The following RALGAPA2 variants were observed in gnomAD, a reference collection of about 807,000 sequenced individuals.
The protein encoded by RALGAPA2 is Ral GTPase activating protein catalytic subunit alpha 2, also known as ral GTPase-activating protein subunit alpha-2.
RALGAPA2 carries 139 observed loss-of-function variants against 230.4 expected under a neutral mutation model. The observed-to-expected ratio is 0.60, with a 90% CI of 0.53 to 0.69. RALGAPA2 has a LOEUF of 0.69. Among genes scored for constraint, RALGAPA2 ranks in the 30% least tolerant of loss-of-function variants. The pLI is 0.00. For synonymous variants in RALGAPA2, 847 were observed against 837.8 expected (o/e 1.01, Z -0.19); for missense variants, 2,163 against 2,276.0 (o/e 0.95, Z 1.01).
intron 1 of RALGAPA2, among the ~76,000 whole-genome samples, chr20:20,711,653 G>A (rs2147064320): frequency 6.6e-6 from 1 of 152,150 alleles, no homozygotes; most frequent in Non-Finnish European, 1.5e-5. Context: ...ACCAGAAGGT[G>A]GCAGACAGCA....
intron 16 of RALGAPA2, among the ~76,000 whole-genome samples, chr20:20,600,789 A>G (rs548644122): frequency 6.6e-6 from 1 of 152,346 alleles, no homozygotes; most frequent in East Asian, 1.9e-4. Flanking sequence ...CTTTTTAAAG[A>G]GTTCACTTTT....
chr20:20,649,473 G>A (rs911200654), intron 4 of RALGAPA2, among the ~76,000 whole-genome samples: 1 of 152,068 alleles, frequency 6.6e-6, no homozygotes, highest in Non-Finnish European at 1.5e-5. Context: ...TAGGCCTTTG[G>A]TTTTTACATT....
rs192925235 is a variant in RALGAPA2 at position 20,541,220 on chromosome 20, T to G, written c.3286-4436A>C. Among the ~76,000 whole-genome samples, 228 of 152,262 alleles carry G rather than the reference T, an allele frequency of 1.5e-3. 1 individual carries two copies. Among genetic ancestry groups the G allele is most frequent in the African/African-American group, 5.3e-3 (222 of 41,564 alleles). On this transcript the variant is annotated intron_variant, in intron 24 of 39. Transcript: ENST00000202677. ...CCCTGGTGATCCTGAGCATTTTTCA[T>G]ACATAGCAGTTCCCTCTTATTTAAA...
At chr20:20,474,357 A>C (rs1171635280) in intron 36 of RALGAPA2, among the ~76,000 whole-genome samples, 1 of 152,186 alleles carries the variant, frequency 6.6e-6, no homozygotes, top group Non-Finnish European at 1.5e-5. Context: ...CTTTATAGGA[A>C]GTTTTAAGGG....
At position 20,513,194 on chromosome 20, in the gene RALGAPA2, C is replaced by A. The variant is rs199625894; in HGVS notation, c.4175G>T (p.Ser1392Ile). 3.3e-6 allele frequency: 5 copies of A among 1,527,054 alleles called. No homozygotes were observed. Among genetic ancestry groups the A allele is most frequent in the Admixed American group, 2.2e-5 (1 of 45,024 alleles). 94.6% of individuals were successfully genotyped at this position (1,527,054 alleles called of 1,614,324 possible). The change falls in exon 32 of 40, where the codon AGT becomes ATT. Residue 1392 changes from serine (S) to isoleucine (I), a missense_variant. Transcript: ENST00000202677. Reference sequence around the variant, plus strand: ...GCTGTGCAGTATGGCAGGGCCCCCACTGAGGGGGTAGTGCCCCAGGTGGTT... The same window carrying A: ...GCTGTGCAGTATGGCAGGGCCCCCAATGAGGGGGTAGTGCCCCAGGTGGTT... Reference protein sequence around the residue: ...LVNHLGHYPLSGGPAILHSLV... With the variant: ...LVNHLGHYPLIGGPAILHSLV...
chr20:20,621,424 A>G (rs1170224927), intron 10 of RALGAPA2, among the ~76,000 whole-genome samples: 1 of 150,334 alleles, frequency 6.7e-6, no homozygotes, highest in African/African-American at 2.4e-5. Flanking sequence ...GTTCTACTAC[A>G]GAAGTCAGCA....
At chr20:20,435,520 G>A (rs1195697709) in intron 37 of RALGAPA2, among the ~76,000 whole-genome samples, 1 of 152,210 alleles carries the variant, frequency 6.6e-6, no homozygotes, top group Non-Finnish European at 1.5e-5. Context: ...TAAAGTGTAC[G>A]GAATCATATT....
intron 37 of RALGAPA2, among the ~76,000 whole-genome samples, chr20:20,467,708 C>A (rs2061450530): frequency 6.6e-6 from 1 of 152,158 alleles, no homozygotes; most frequent in Non-Finnish European, 1.5e-5. Context: ...GCTAACAGTG[C>A]CCACCTGCTA....
In RALGAPA2 at chr20:20,572,991, C is replaced by T. The variant is rs1222083972; in HGVS notation, c.2785G>A (p.Ala929Thr). ...SLTGWHPDSA[A>T]VLWRRVLGIL... ...CCCAAGACCCTTCGCCATAACACAG[C>T]AGCAGAGTCTGGGTGCCAACCAGTG... The change falls in exon 21 of 40, where the codon GCT becomes ACT. Residue 929 changes from alanine (A) to threonine (T), a missense_variant. Coordinates refer to ENST00000202677, the MANE Select transcript of RALGAPA2 (RefSeq NM_020343.4). The T allele has an allele frequency of 1.2e-6, 2 of 1,609,908 alleles. No individual in the cohort carries two copies. Among genetic ancestry groups the T allele is most frequent in the African/African-American group, 2.7e-5 (2 of 74,854 alleles).
At chr20:20,575,776 C>G (rs2064800119) in intron 20 of RALGAPA2, among the ~76,000 whole-genome samples, 1 of 152,148 alleles carries the variant, frequency 6.6e-6, no homozygotes, top group African/African-American at 2.4e-5. Context: ...ATTCTCAGGT[C>G]TGCCAATTAA....
chr20:20,559,095 T>C (rs2145823092), intron 23 of RALGAPA2, among the ~76,000 whole-genome samples: 1 of 152,366 alleles, frequency 6.6e-6, no homozygotes, highest in African/African-American at 2.4e-5. Context: ...TTATTATCCA[T>C]TCTTTTCATT....
intron 37 of RALGAPA2, among the ~76,000 whole-genome samples, chr20:20,425,350 G>A (rs2060359764): frequency 6.6e-6 from 1 of 152,188 alleles, no homozygotes; most frequent in Admixed American, 6.5e-5. Flanking sequence ...ATTTCTGAAA[G>A]CAATTTTGGG....
At chr20:20,603,944 A>G (rs79156780) in intron 15 of RALGAPA2, among the ~76,000 whole-genome samples, 3,076 of 152,304 alleles carry the variant, frequency 0.02, 58 homozygotes, top group Non-Finnish European at 0.031. Context: ...AATTCCTCCC[A>G]AGTCTCAGGA....
At chr20:20,633,279 C>A (rs1481892801) in intron 9 of RALGAPA2, among the ~76,000 whole-genome samples, 1 of 151,878 alleles carries the variant, frequency 6.6e-6, no homozygotes, top group Non-Finnish European at 1.5e-5. Flanking sequence ...GGATTACAGA[C>A]GCCTACCACC....
At chr20:20,580,375 T>C (rs2064949182) in intron 20 of RALGAPA2, among the ~76,000 whole-genome samples, 1 of 152,130 alleles carries the variant, frequency 6.6e-6, no homozygotes, top group African/African-American at 2.4e-5. Context: ...CAATTCAAAA[T>C]TCAGACCCTC....
At chr20:20,454,082 A>C (rs2061051747) in intron 37 of RALGAPA2, among the ~76,000 whole-genome samples, 1 of 152,210 alleles carries the variant, frequency 6.6e-6, no homozygotes, top group South Asian at 2.1e-4. Flanking sequence ...CTTGTTTCTC[A>C]GAAGTTTTCC....
intron 3 of RALGAPA2, among the ~76,000 whole-genome samples, chr20:20,665,328 C>T: frequency 6.6e-6 from 1 of 152,176 alleles, no homozygotes; most frequent in Non-Finnish European, 1.5e-5. Flanking sequence ...GTGTCAGTTA[C>T]CAACACATCA....
At chr20:20,553,204 A>G (rs2063978760) in intron 23 of RALGAPA2, among the ~76,000 whole-genome samples, 1 of 152,216 alleles carries the variant, frequency 6.6e-6, no homozygotes, top group South Asian at 2.1e-4. Context: ...ATGTTATGAA[A>G]GCCAGGAGAA....
chr20:20,540,752 T>A, intron 24 of RALGAPA2, among the ~76,000 whole-genome samples: 1 of 152,090 alleles, frequency 6.6e-6, no homozygotes, highest in East Asian at 1.9e-4. Flanking sequence ...GATTCTTTTT[T>A]TCCAGCTTTA....
Sources: gnomAD v4.1 joint callset for allele counts (sites outside exome capture counted in the v4.1 genomes callset) on GRCh38, gnomAD v4.1.1 for gene constraint, MANE v1.5 for transcripts, NCBI Gene and HGNC (gene_info 2026-07-23, HGNC 2026-07-21) for gene names.